The following TRABD2B variants were observed in gnomAD, a reference collection of about 807,000 sequenced individuals.
TRABD2B encodes the protein metalloprotease TIKI2.
A neutral mutation model predicts 40.1 loss-of-function variants in TRABD2B; 14 were observed. That is an observed-to-expected ratio of 0.35 (90% CI 0.23 to 0.55). The LOEUF is 0.55. Among genes scored for constraint, TRABD2B ranks in the 20% least tolerant of loss-of-function variants. The probability of loss-of-function intolerance (pLI) is 0.90; values close to 1 mark genes in which losing one functional copy is unlikely to be tolerated. For missense variants in TRABD2B, 541 were observed against 648.6 expected (o/e 0.83, Z 1.80); for synonymous variants, 263 against 277.0 (o/e 0.95, Z 0.50).
chr1:47,872,171 T>A (rs1328418779), intron 2 of TRABD2B, among the ~76,000 whole-genome samples: 1 of 152,184 alleles, frequency 6.6e-6, no homozygotes, highest in East Asian at 1.9e-4. Context: ...GGGGACCCTA[T>A]GTCTGTGGGC....
chr1:47,765,672 TATGGA>T lies in TRABD2B; in HGVS notation c.*225_*229del. ...GAATAAATACATTTTTCTTTTTTAA[TATGGA>T]CACGTATTTTACAAAAGAGCCCCAT... On this transcript the variant is annotated 3_prime_UTR_variant, in exon 7 of 7. Transcript: ENST00000606738. 1 of 595,464 alleles carries T rather than the reference TATGGA, an allele frequency of 1.7e-6. No homozygotes were observed. Among genetic ancestry groups the T allele is most frequent in the Middle Eastern group, 4.4e-4 (1 of 2,256 alleles). The allele number at this position is 595,464 out of a possible 1,614,324, so 36.9% of individuals were successfully genotyped here.
chr1:47,873,234 G>T (rs138810929), intron 2 of TRABD2B, among the ~76,000 whole-genome samples: 1 of 152,152 alleles, frequency 6.6e-6, no homozygotes, highest in Non-Finnish European at 1.5e-5. Flanking sequence ...ATTTCAACAT[G>T]TGAATTTTGG....
chr1:47,844,964 C>T (rs1645448633), intron 2 of TRABD2B, among the ~76,000 whole-genome samples: 1 of 152,182 alleles, frequency 6.6e-6, no homozygotes, highest in Admixed American at 6.5e-5. Flanking sequence ...ATCCCTCCCC[C>T]AGGGCAGGAG....
At chr1:47,900,237 G>A (rs1455408837) in intron 2 of TRABD2B, among the ~76,000 whole-genome samples, 3 of 152,076 alleles carry the variant, frequency 2.0e-5, no homozygotes, top group Non-Finnish European at 4.4e-5. Flanking sequence ...GGGCTGGAGA[G>A]GCAGGACCTG....
rs192978039 is a variant in TRABD2B at position 47,863,911 on chromosome 1, A to G, written c.667-62292T>C. Among the ~76,000 whole-genome samples, 6 of 152,340 alleles carry G rather than the reference A, an allele frequency of 3.9e-5. 1 individual carries two copies. The highest frequency in any genetic ancestry group is 2.6e-4 in the Admixed American group (4 of 15,310). ...ACATCTAGCCAATGGACTATTACAC[A>G]GCACTAAAACGAAATTGGCCATCAA... On this transcript the variant is annotated intron_variant, in intron 2 of 6. Coordinates refer to ENST00000606738, the MANE Select transcript of TRABD2B (RefSeq NM_001194986.2).
chr1:47,937,445 TATC>T (rs760514447), intron 2 of TRABD2B, among the ~76,000 whole-genome samples: 2 of 149,162 alleles, frequency 1.3e-5, no homozygotes, highest in African/African-American at 2.5e-5. Context: ...TCATCACTAC[TATC>T]ATCACCATCA....
chr1:47,867,029 C>T (rs570306973), intron 2 of TRABD2B, among the ~76,000 whole-genome samples: 8 of 152,214 alleles, frequency 5.3e-5, no homozygotes, highest in South Asian at 4.2e-4. Flanking sequence ...CACAGCCACC[C>T]GCCTGTCTCC....
At chr1:47,950,310 A>G (rs1331941656) in intron 2 of TRABD2B, among the ~76,000 whole-genome samples, 1 of 152,092 alleles carries the variant, frequency 6.6e-6, no homozygotes, top group African/African-American at 2.4e-5. Context: ...TAATAATAAA[A>G]AGAAAGAAGA....
intron 4 of TRABD2B, among the ~76,000 whole-genome samples, chr1:47,781,492 C>T (rs72890299): frequency 0.026 from 3,975 of 152,316 alleles, 168 homozygotes; most frequent in African/African-American, 0.09. Context: ...CTGAGCACTG[C>T]GCGGCAATGG....
intron 2 of TRABD2B, among the ~76,000 whole-genome samples, chr1:47,887,904 C>T (rs114930613): frequency 1.8e-3 from 278 of 152,326 alleles, no homozygotes; most frequent in African/African-American, 6.1e-3. Context: ...GGATTTACAA[C>T]GTGAAATGTT....
intron 2 of TRABD2B, among the ~76,000 whole-genome samples, chr1:47,958,093 C>A (rs1645452089): frequency 6.6e-6 from 1 of 151,874 alleles, no homozygotes; most frequent in South Asian, 2.1e-4. Context: ...CCCAGAATTT[C>A]ATATCCAGCC....
intron 2 of TRABD2B, among the ~76,000 whole-genome samples, chr1:47,831,662 C>T (rs758794577): frequency 1.3e-5 from 2 of 152,122 alleles, no homozygotes; most frequent in Admixed American, 6.5e-5. Flanking sequence ...ATTCGAAAGT[C>T]GAAGCCGTGG....
intron 2 of TRABD2B, among the ~76,000 whole-genome samples, chr1:47,811,163 G>A (rs1380066298): frequency 6.6e-6 from 1 of 152,106 alleles, no homozygotes; most frequent in Non-Finnish European, 1.5e-5. Context: ...AGAAGAACGT[G>A]GGGGGAGCTG....
intron 1 of TRABD2B, among the ~76,000 whole-genome samples, chr1:47,995,400 G>A (rs1369652926): frequency 1.3e-5 from 2 of 152,220 alleles, no homozygotes; most frequent in East Asian, 3.9e-4. Context: ...CATATTCTGG[G>A]TACTTTCCAG....
intron 2 of TRABD2B, among the ~76,000 whole-genome samples, chr1:47,811,161 G>A (rs75230051): frequency 0.021 from 3,241 of 152,224 alleles, 126 homozygotes; most frequent in African/African-American, 0.074. Flanking sequence ...GCAGAAGAAC[G>A]TGGGGGGAGC....
intron 4 of TRABD2B, among the ~76,000 whole-genome samples, chr1:47,791,901 G>A (rs904625148): frequency 2.0e-5 from 3 of 152,180 alleles, no homozygotes; most frequent in African/African-American, 7.2e-5. Context: ...CCTAGGGTAC[G>A]GTTCTGGCCT....
intron 2 of TRABD2B, among the ~76,000 whole-genome samples, chr1:47,923,915 T>TACACACAC (rs60288001): frequency 1.5e-5 from 2 of 132,590 alleles, no homozygotes; most frequent in African/African-American, 2.8e-5. Flanking sequence ...CATACACACA[T>TACACACAC]ACACACACAC....
chr1:47,957,685 G>A (rs1005882764), intron 2 of TRABD2B, among the ~76,000 whole-genome samples: 30 of 152,272 alleles, frequency 2.0e-4, no homozygotes, highest in East Asian at 9.6e-4. Flanking sequence ...AACAAAAAAA[G>A]CCTCCAAGAA....
rs1047918233 is a variant in TRABD2B at position 47,814,737 on chromosome 1, G to A, written c.667-13118C>T. On this transcript the variant is annotated intron_variant, in intron 2 of 6. Transcript: ENST00000606738. ...AAGAAAAGAAGACTGCGTGGGACCCGCCTGGGACTCTGTGGTGCTGACAGT... is the reference window on the plus strand; with the variant it reads ...AAGAAAAGAAGACTGCGTGGGACCCACCTGGGACTCTGTGGTGCTGACAGT... Among the ~76,000 whole-genome samples, 4 of 152,196 alleles carry A rather than the reference G, an allele frequency of 2.6e-5. No individual in the cohort carries two copies. The South Asian group carries it at 6.2e-4, about 24-fold the overall frequency.
Sources: allele counts gnomAD v4.1 joint callset (sites outside exome capture counted in the v4.1 genomes callset), GRCh38; gene constraint gnomAD v4.1.1; transcripts MANE v1.5; gene names NCBI Gene and HGNC (gene_info 2026-07-23, HGNC 2026-07-21).